The following CAMSAP1 variants were observed in gnomAD, a reference collection of about 807,000 sequenced individuals.
The protein encoded by CAMSAP1 is calmodulin regulated spectrin associated protein 1, also known as calmodulin-regulated spectrin-associated protein 1.
In CAMSAP1, 58 loss-of-function variants were observed where a neutral mutation model predicts 143.5. The ratio of observed to expected loss-of-function variants is 0.40; its 90% CI spans 0.33 to 0.50. The LOEUF (loss-of-function observed/expected upper bound fraction) is 0.50, where lower values mean the gene tolerates loss of function less well. Among genes scored for constraint, CAMSAP1 ranks in the 20% least tolerant of loss-of-function variants. The pLI is 0.45. For missense variants in CAMSAP1, 1,969 were observed against 2,115.7 expected (o/e 0.93, Z 1.36); for synonymous variants, 945 against 859.3 (o/e 1.10, Z -1.74).
At chr9:135,836,905 CAG>C (rs1225586064) in intron 7 of CAMSAP1, 2 of 983,428 alleles carry the variant, frequency 2.0e-6, no homozygotes, top group African/African-American at 3.5e-5. Context: ...ACCCATTCTA[CAG>C]ACACACGTCA....
chr9:135,815,966 G>C lies in CAMSAP1; in HGVS notation c.4311C>G (p.Asn1437Lys). Residue 1437 changes from asparagine (N) to lysine (K), a missense_variant, in exon 15 of 17, where the codon AAC (asparagine) becomes AAG (lysine). Physicochemically the swap from Asn to Lys is moderately conservative, Grantham distance 94. Transcript: ENST00000389532. ...SMEALPILSRNPSRSTDRDWE... is the reference protein window; with the variant it reads ...SMEALPILSRKPSRSTDRDWE... ...AGTCTCGGTCTGTGCTCCTGCTTGG[G>C]TTACGGCTCAGTATGGGCAGGGCTT... The C allele has an allele frequency of 6.2e-7, 1 of 1,613,862 alleles. No individual in the cohort carries two copies. The highest frequency in any genetic ancestry group is 8.5e-7 in the Non-Finnish European group (1 of 1,179,906).
Position 135,822,693 on chromosome 9 carries a change from T to C in CAMSAP1, c.1968A>G (p.Ser656=), listed in dbSNP as rs1285663887. 1.2e-6 allele frequency: 2 copies of C among 1,610,402 alleles called. No individual in the cohort carries two copies. The highest frequency in any genetic ancestry group is 2.2e-5 in the South Asian group (2 of 90,932). ...TGGGGTCGATGCCCATGGGGAATTC[T>C]GAGCATGGAATCGGGGTAAAAGTCC... is the stretch of plus-strand genomic sequence containing the variant. ...LNRTFTPIPC[S]EFPMGIDPTE... The change falls in exon 11 of 17, where the codon TCA becomes TCG. Residue 656 remains serine (S), a synonymous_variant. Coordinates refer to ENST00000389532, the MANE Select transcript of CAMSAP1 (RefSeq NM_015447.4). The surrounding 1 kb of genome is among the most constrained non-coding windows in gnomAD (Gnocchi z 6.1).
At chr9:135,872,768 C>T (rs981511686) in intron 3 of CAMSAP1, among the ~76,000 whole-genome samples, 2 of 152,222 alleles carry the variant, frequency 1.3e-5, no homozygotes, top group South Asian at 2.1e-4. Context: ...TGAAAAGCAA[C>T]ATCTCATAAT....
rs187158028 is a variant in CAMSAP1, at chr9:135,900,596, G to A, written c.160+6404C>T. On this transcript the variant is annotated intron_variant, in intron 1 of 16. Coordinates refer to ENST00000389532, the MANE Select transcript of CAMSAP1 (RefSeq NM_015447.4). ...TGTAGTCCCAGCTACTCAGGAGGCC[G>A]AGGCAGGAGAATGGTGTGAACCCAG... Among the ~76,000 whole-genome samples, 588 of 151,796 alleles carry A rather than the reference G, an allele frequency of 3.9e-3. 2 individuals are homozygous for A. The highest frequency in any genetic ancestry group is 4.9e-3 in the Non-Finnish European group (331 of 67,938).
rs764759860 is a variant in CAMSAP1, at chr9:135,811,433, C to T, written c.4685G>A (p.Arg1562Gln). 7 of 1,612,490 alleles carry T rather than the reference C, an allele frequency of 4.3e-6. No homozygotes were observed. Among genetic ancestry groups the T allele is most frequent in the Non-Finnish European group, 4.2e-6 (5 of 1,179,194 alleles). The change falls in exon 17 of 17, where the codon CGA (arginine) becomes CAA (glutamine). Residue 1562 changes from arginine to glutamine, a missense_variant. Arg to Gln is a conservative substitution (Grantham distance 43, BLOSUM62 1). Transcript: ENST00000389532. The surrounding 1 kb of genome is among the most constrained non-coding windows in gnomAD (Gnocchi z 4.9). ...IDKLYKYSSD[R>Q]KQFNLIPAKT... Reference sequence around the variant, plus strand: ...GGCTGGGATCAAGTTAAACTGTTTTCGGTCTGAGCTGTATTTATACAGTTT... The same window carrying T: ...GGCTGGGATCAAGTTAAACTGTTTTTGGTCTGAGCTGTATTTATACAGTTT...
chr9:135,843,718 A>G (rs1238170115), intron 7 of CAMSAP1, among the ~76,000 whole-genome samples: 1 of 151,384 alleles, frequency 6.6e-6, no homozygotes, highest in East Asian at 2.0e-4. Context: ...AAAAAATACA[A>G]AAAAAATTGG....
chr9:135,837,270 C>T (rs1024762489), intron 7 of CAMSAP1, among the ~76,000 whole-genome samples: 48 of 151,594 alleles, frequency 3.2e-4, no homozygotes, highest in African/African-American at 1.1e-3. Flanking sequence ...TACAGATACA[C>T]ATCATCACGC....
chr9:135,858,848 T>C (rs1837072245), intron 5 of CAMSAP1, among the ~76,000 whole-genome samples: 1 of 152,252 alleles, frequency 6.6e-6, no homozygotes. Flanking sequence ...TGGAGTCTGA[T>C]GTCCAAGGAC....
chr9:135,823,341 G>A lies in CAMSAP1; in HGVS notation c.1401-81C>T, dbSNP rs185300117. On this transcript the variant is annotated intron_variant, in intron 10 of 16. Transcript: ENST00000389532. ...ACATGGACCAGGGGGTGAGAATGCC[G>A]GCCACACAAAGAGAATACGCCTCTC... 430 of 1,455,492 alleles carry A rather than the reference G, an allele frequency of 3.0e-4. 1 individual carries two copies. In the African/African-American group the frequency reaches 4.5e-3, roughly 15 times the overall value. The allele number at this position is 1,455,492 out of a possible 1,614,324, so 90.2% of individuals were successfully genotyped here. A position where few individuals can be genotyped will look rare whatever the true frequency, so the allele number is the denominator to read the frequency against.
chr9:135,820,263 C>T lies in CAMSAP1; in HGVS notation c.3822+576G>A, dbSNP rs115950416. ...AACATGGTCTTATCATCTTAGGAGA[C>T]GACGATATATGGTCTTATCATCTTA... is the stretch of plus-strand genomic sequence containing the variant. On this transcript the variant is annotated intron_variant, in intron 11 of 16. Transcript: ENST00000389532. This position sits in a 1 kb window ranked among gnomAD's most constrained non-coding sequence, Gnocchi z 4.4. 2.0e-3 allele frequency among the ~76,000 whole-genome samples: 308 copies of T among 152,152 alleles called. 2 individuals carry two copies. The highest frequency in any genetic ancestry group is 6.2e-3 in the African/African-American group (257 of 41,544).
intron 1 of CAMSAP1, among the ~76,000 whole-genome samples, chr9:135,894,155 A>C (rs1345353316): frequency 6.6e-6 from 1 of 152,114 alleles, no homozygotes; most frequent in African/African-American, 2.4e-5. Context: ...GCAGGTAGGG[A>C]CATCAGCAAG....
intron 3 of CAMSAP1, among the ~76,000 whole-genome samples, chr9:135,879,437 T>G (rs1380275495): frequency 3.3e-5 from 5 of 151,900 alleles, no homozygotes; most frequent in African/African-American, 1.2e-4. Context: ...AACAAACAAG[T>G]GATTCACCAG....
chr9:135,862,379 T>C, intron 5 of CAMSAP1, 88 bp downstream of exon 5: 2 of 1,364,582 alleles, frequency 1.5e-6, no homozygotes, highest in Non-Finnish European at 2.0e-6. Context: ...TTCTCTTTTT[T>C]TTTTTTAATA....
chr9:135,836,094 G>C (rs1836023194), intron 7 of CAMSAP1: 2 of 985,132 alleles, frequency 2.0e-6, no homozygotes, highest in Non-Finnish European at 2.4e-6. Flanking sequence ...ACTTCGGAAA[G>C]AGAGCTGCCA....
chr9:135,894,476 C>G (rs929891355), intron 1 of CAMSAP1, among the ~76,000 whole-genome samples: 8 of 152,176 alleles, frequency 5.3e-5, no homozygotes, highest in African/African-American at 1.9e-4. Context: ...GCTCTTGGTC[C>G]TGTGCGCAGA....
At chr9:135,883,196 A>C (rs1374253318) in intron 1 of CAMSAP1, 118 bp from the exon 2 acceptor site, 2 of 1,080,380 alleles carry the variant, frequency 1.9e-6, no homozygotes, top group Non-Finnish European at 2.6e-6. Flanking sequence ...ACACAGGGAG[A>C]CCAAGTGTCA....
Position 135,907,151 on chromosome 9 carries a change from G to T in CAMSAP1, c.9C>A (p.Asp3Glu). Reference sequence around the variant, plus strand: ...CCTCGGCGGCGGCGCGGCCGCTCGCGTCCACCATCTGCAGACAAAGGGCTG... The same window carrying T: ...CCTCGGCGGCGGCGCGGCCGCTCGCTTCCACCATCTGCAGACAAAGGGCTG... MV[D>E]ASGRAAAEGW... The change falls in exon 1 of 17, where the codon GAC becomes GAA. Residue 3 changes from aspartate (D) to glutamate (E), a missense_variant. Physicochemically the swap from Asp to Glu is conservative, Grantham distance 45. This residue lies in a region of CAMSAP1 where 215 missense variants were observed against 196.2 expected (regional missense o/e 1.10). Transcript: ENST00000389532. 2 of 1,105,078 alleles carry T rather than the reference G, an allele frequency of 1.8e-6. No homozygotes were observed. The highest frequency in any genetic ancestry group is 2.2e-6 in the Non-Finnish European group (2 of 904,992). 68.5% of individuals were successfully genotyped at this position (1,105,078 alleles called of 1,614,324 possible).
At chr9:135,901,982 A>T (rs1838632447) in intron 1 of CAMSAP1, among the ~76,000 whole-genome samples, 1 of 152,214 alleles carries the variant, frequency 6.6e-6, no homozygotes, top group Admixed American at 6.5e-5. Context: ...CTTAGGGGCT[A>T]ACCATTCAAC....
At position 135,821,331 on chromosome 9, in the gene CAMSAP1, T is replaced by G; in HGVS notation, c.3330A>C (p.Pro1110=). Residue 1110 remains proline, a synonymous_variant, in exon 11 of 17, where the codon CCA becomes CCC. Coordinates refer to ENST00000389532, the MANE Select transcript of CAMSAP1 (RefSeq NM_015447.4). This position sits in a 1 kb window ranked among gnomAD's most constrained non-coding sequence, Gnocchi z 4.6. ...GGGAGGAGCCCTGTGGCCTGTCTTT[T>G]GGGACCTTCAGCTCCGCCGGCCTTC... The part of the protein sequence containing the change: ...RSGRPAELKV[P]KDRPQGSSRS... 4 of 1,613,562 alleles carry G rather than the reference T, an allele frequency of 2.5e-6. No homozygotes were observed. Among genetic ancestry groups the G allele is most frequent in the Non-Finnish European group, 3.4e-6 (4 of 1,179,866 alleles).
Sources: allele counts gnomAD v4.1 joint callset (sites outside exome capture counted in the v4.1 genomes callset), GRCh38; gene constraint gnomAD v4.1.1; regional missense constraint gnomAD v4.1.1; non-coding constraint Gnocchi (gnomAD v3.1); transcripts MANE v1.5; gene names NCBI Gene and HGNC (gene_info 2026-07-23, HGNC 2026-07-21).